The following RGS5 variants were observed in gnomAD, a reference collection of about 807,000 sequenced individuals.
RGS5 encodes the protein regulator of G protein signaling 5, also known as regulator of G-protein signalling 5.
A neutral mutation model predicts 18.9 loss-of-function variants in RGS5; 20 were observed. The ratio of observed to expected loss-of-function variants is 1.06; its 90% CI spans 0.74 to 1.54. The LOEUF is 1.54. Among genes scored for constraint, RGS5 ranks in the 40% most tolerant of loss-of-function variants. The probability of loss-of-function intolerance (pLI) is 0.00; values close to 1 mark genes in which losing one functional copy is unlikely to be tolerated. For synonymous variants in RGS5, 57 were observed against 76.2 expected, an observed-to-expected ratio of 0.75 and a Z score of 1.31; for missense variants, 201 against 211.8, an observed-to-expected ratio of 0.95 and a Z score of 0.32.
At chr1:163,166,434 A>G (rs937921549) in intron 2 of RGS5, among the ~76,000 whole-genome samples, 4 of 152,238 alleles carry the variant, frequency 2.6e-5, no homozygotes, top group Non-Finnish European at 5.9e-5. Flanking sequence ...TTCCCCTCTG[A>G]AAGAAGAACA....
intron 1 of RGS5, among the ~76,000 whole-genome samples, chr1:163,170,390 C>G (rs1161680231): frequency 6.6e-6 from 1 of 152,110 alleles, no homozygotes; most frequent in Non-Finnish European, 1.5e-5. Flanking sequence ...TACAAATCTG[C>G]TAACATTTAC....
At chr1:163,257,672 C>T (rs944495742) in intron 2 of RGS5, among the ~76,000 whole-genome samples, 10 of 152,122 alleles carry the variant, frequency 6.6e-5, no homozygotes, top group Non-Finnish European at 1.2e-4. Flanking sequence ...CTAGAAGTGA[C>T]ATTTCCTGGA....
intron 1 of RGS5, among the ~76,000 whole-genome samples, chr1:163,183,780 C>A (rs992913057): frequency 6.6e-6 from 1 of 152,136 alleles, no homozygotes; most frequent in East Asian, 1.9e-4. Flanking sequence ...TGAGGGAGAT[C>A]TTGCTGGGAC....
intron 1 of RGS5, among the ~76,000 whole-genome samples, chr1:163,184,724 G>T (rs1406210343): frequency 6.6e-6 from 1 of 152,150 alleles, no homozygotes; most frequent in Non-Finnish European, 1.5e-5. Context: ...ATTAAAAAAT[G>T]CTATACTGCT....
intron 2 of RGS5, among the ~76,000 whole-genome samples, chr1:163,277,535 G>C (rs967398593): frequency 6.6e-6 from 1 of 152,184 alleles, no homozygotes; most frequent in African/African-American, 2.4e-5. Context: ...TTAAATGGGT[G>C]TTGCTAGGTG....
intron 2 of RGS5, among the ~76,000 whole-genome samples, chr1:163,292,423 T>C (rs1649311902): frequency 6.6e-6 from 1 of 152,264 alleles, no homozygotes; most frequent in Admixed American, 6.5e-5. Flanking sequence ...CTATCATTGA[T>C]GGGCATTTAG....
chr1:163,173,964 C>T (rs1658425018), intron 1 of RGS5, among the ~76,000 whole-genome samples: 1 of 152,170 alleles, frequency 6.6e-6, no homozygotes. Flanking sequence ...GTAATCCCAA[C>T]TACTCGGGAG....
chr1:163,168,479 T>A, intron 1 of RGS5, 111 bp from the exon 2 acceptor site: 1 of 764,790 alleles, frequency 1.3e-6, no homozygotes, highest in Non-Finnish European at 2.2e-6. Context: ...CCCATTTCAC[T>A]TTTATTTTTC....
At chr1:163,158,430 G>A (rs1327736303) in intron 3 of RGS5, among the ~76,000 whole-genome samples, 1 of 152,114 alleles carries the variant, frequency 6.6e-6, no homozygotes, top group Non-Finnish European at 1.5e-5. Flanking sequence ...ATTCACCCCC[G>A]ATATTTCACG....
At chr1:163,225,979 G>A (rs895787783) in intron 2 of RGS5, among the ~76,000 whole-genome samples, 4 of 151,554 alleles carry the variant, frequency 2.6e-5, no homozygotes, top group African/African-American at 9.7e-5. Flanking sequence ...GGAGTGCAAT[G>A]GCGCAATCTC....
intron 1 of RGS5, among the ~76,000 whole-genome samples, chr1:163,312,914 C>T (rs1250765151): frequency 2.0e-4 from 30 of 152,184 alleles, no homozygotes. Context: ...GCAATACCTG[C>T]CAAGTCTGAT....
chr1:163,148,794 A>C (rs1203137950), intron 4 of RGS5, among the ~76,000 whole-genome samples: 1 of 152,228 alleles, frequency 6.6e-6, no homozygotes, highest in Non-Finnish European at 1.5e-5. Flanking sequence ...GTTTAAAGGA[A>C]TCTTTATACT....
chr1:163,194,191 AC>A (rs1440395447), intron 1 of RGS5, among the ~76,000 whole-genome samples: 1 of 152,162 alleles, frequency 6.6e-6, no homozygotes, highest in East Asian at 1.9e-4. Flanking sequence ...TATACTTTTC[AC>A]AAACTGGGAG....
At chr1:163,308,482 G>C (rs950702289) in intron 1 of RGS5, 2 of 152,028 alleles carry the variant, frequency 1.3e-5, no homozygotes, top group Non-Finnish European at 2.9e-5. Context: ...AAAAAATATA[G>C]GAAAGGCATA....
chr1:163,314,227 A>C (rs1649952232), intron 1 of RGS5, among the ~76,000 whole-genome samples: 1 of 152,172 alleles, frequency 6.6e-6, no homozygotes, highest in Non-Finnish European at 1.5e-5. Context: ...TTCAGGTAAT[A>C]ATTTTGAATA....
Position 163,202,887 on chromosome 1 carries a change from A to C in RGS5, c.-52T>G. 1 of 1,582,238 alleles carries C rather than the reference A, an allele frequency of 6.3e-7. No homozygotes were observed. ...TTTAAGTACAACTTCTTAACAGCAG[A>C]GCCAGTCTTTGAAAACTTCAAAACT... On this transcript the variant is annotated 5_prime_UTR_variant, in exon 1 of 5. Transcript: ENST00000313961.
chr1:163,300,073 C>T (rs773477273), intron 2 of RGS5, among the ~76,000 whole-genome samples: 45 of 152,120 alleles, frequency 3.0e-4, no homozygotes, highest in Non-Finnish European at 1.0e-4. Flanking sequence ...TCATGTTTCC[C>T]GAGGTAAACA....
At chr1:163,273,118 C>CAA (rs201259505) in intron 2 of RGS5, among the ~76,000 whole-genome samples, 1 of 151,376 alleles carries the variant, frequency 6.6e-6, no homozygotes, top group Non-Finnish European at 1.5e-5. Context: ...TAATTTTCTT[C>CAA]AAAAAAAATG....
chr1:163,186,133 G>T (rs774295412), intron 1 of RGS5, among the ~76,000 whole-genome samples: 59 of 150,054 alleles, frequency 3.9e-4, no homozygotes, highest in Non-Finnish European at 6.9e-4. Context: ...GTGCAGTGGT[G>T]CAATCTTGGC....
Sources: allele counts gnomAD v4.1 joint callset (sites outside exome capture counted in the v4.1 genomes callset), GRCh38; gene constraint gnomAD v4.1.1; transcripts MANE v1.5; gene names NCBI Gene and HGNC (gene_info 2026-07-23, HGNC 2026-07-21).